The following ADGRV1 variants were observed in gnomAD, a reference collection of about 807,000 sequenced individuals.
The protein encoded by ADGRV1 is adhesion G protein-coupled receptor V1.
In ADGRV1, 359 loss-of-function variants were observed where a neutral mutation model predicts 596.2. The ratio of observed to expected loss-of-function variants is 0.60; its 90% CI spans 0.55 to 0.66. The LOEUF is 0.66. Ranked by LOEUF, ADGRV1 falls within the 30% of genes least tolerant of loss-of-function variation. The pLI, the probability that ADGRV1 is intolerant of heterozygous loss-of-function variation, is 0.00. For synonymous variants in ADGRV1, 2,681 were observed against 2,679.2 expected, an observed-to-expected ratio of 1.00 and a Z score of -0.02; for missense variants, 7,274 against 7,575.6, an observed-to-expected ratio of 0.96 and a Z score of 1.48.
At chr5:90,750,826 T>G (rs182872373) in intron 53 of ADGRV1, 129 bp downstream of exon 53, 1 of 637,032 alleles carries the variant, frequency 1.6e-6, no homozygotes, top group East Asian at 2.7e-5. Flanking sequence ...CTACTAATCA[T>G]TGTAGAGAGG....
chr5:90,937,357 G>T (rs1185179056), intron 83 of ADGRV1, among the ~76,000 whole-genome samples: 1 of 151,772 alleles, frequency 6.6e-6, no homozygotes, highest in Non-Finnish European at 1.5e-5. Flanking sequence ...TGCATTCTGG[G>T]TAAGTTCCTT....
intron 1 of ADGRV1, among the ~76,000 whole-genome samples, chr5:90,592,162 C>T (rs867156743): frequency 3.0e-4 from 45 of 152,230 alleles, no homozygotes; most frequent in African/African-American, 9.6e-4. Context: ...GATACTTGCA[C>T]ATGCGTGTTT....
At chr5:90,563,488 A>C (rs967473354) in intron 1 of ADGRV1, among the ~76,000 whole-genome samples, 12 of 152,278 alleles carry the variant, frequency 7.9e-5, no homozygotes, top group African/African-American at 2.9e-4. Context: ...GACTGTAATT[A>C]TAAATAGTCA....
In ADGRV1 at chr5:91,080,530, G is replaced by A. The variant is rs148643222; in HGVS notation, c.18310+7926G>A. Reference sequence around the variant, plus strand: ...ATGTAAACATTAAATTTTAAACTTAGAGAACTCTAATTTCATAAAAGTAGT... The same window carrying A: ...ATGTAAACATTAAATTTTAAACTTAAAGAACTCTAATTTCATAAAAGTAGT... On this transcript the variant is annotated intron_variant, in intron 86 of 89. Transcript: ENST00000405460. 6.1e-5 allele frequency among the ~76,000 whole-genome samples: 8 copies of A among 131,974 alleles called. 2 individuals carry two copies. The highest frequency in any genetic ancestry group is 2.3e-4 in the African/African-American group (8 of 35,262). 86.6% of individuals were successfully genotyped at this position (131,974 alleles called of 152,430 possible).
intron 49 of ADGRV1, among the ~76,000 whole-genome samples, chr5:90,729,395 T>TA (rs1027280621): frequency 2.4e-4 from 36 of 151,996 alleles, no homozygotes; most frequent in Non-Finnish European, 3.4e-4. Flanking sequence ...CTAAAAAAAT[T>TA]AAAAAAAATT....
chr5:90,758,890 T>C (rs1581025976), intron 57 of ADGRV1, among the ~76,000 whole-genome samples: 1 of 152,326 alleles, frequency 6.6e-6, no homozygotes, highest in East Asian at 1.9e-4. Context: ...GCCTTTCTTT[T>C]TGACTACGTT....
intron 20 of ADGRV1, 172 bp downstream of exon 20, chr5:90,654,124 C>T: frequency 1.4e-6 from 1 of 711,616 alleles, no homozygotes. Context: ...AAATTCTGTC[C>T]TGAGTGTTAC....
In ADGRV1 at chr5:90,681,372, A is replaced by G. The variant is rs568577753; in HGVS notation, c.5582A>G (p.His1861Arg). Residue 1861 changes from histidine to arginine, a missense_variant, in exon 27 of 90, where the codon CAT becomes CGT. Physicochemically the swap from His to Arg is conservative, Grantham distance 29. Around this residue, in one of 5 missense-constraint regions of ADGRV1, gnomAD observed 3,643 missense variants for 3,809.2 expected, o/e 0.96. Transcript: ENST00000405460. ...ACAATTGCAGCCTCTGACCACGCTCATGGCGTATTTGAATTTAGCCCTGAG... is the reference window on the plus strand; with the variant it reads ...ACAATTGCAGCCTCTGACCACGCTCGTGGCGTATTTGAATTTAGCCCTGAG... ...LVTIAASDHA[H>R]GVFEFSPESL... 27 of 1,613,904 alleles carry G rather than the reference A, an allele frequency of 1.7e-5. No homozygotes were observed. Among genetic ancestry groups the G allele is most frequent in the African/African-American group, 1.2e-4 (9 of 75,052 alleles).
intron 21 of ADGRV1, among the ~76,000 whole-genome samples, chr5:90,661,373 A>G (rs1026132804): frequency 3.3e-5 from 5 of 152,178 alleles, no homozygotes; most frequent in Non-Finnish European, 5.9e-5. Flanking sequence ...ATCTTCATGA[A>G]AACAAGAATA....
At chr5:90,757,621 CTAAAA>C (rs1259295967) in intron 57 of ADGRV1, among the ~76,000 whole-genome samples, 4 of 151,756 alleles carry the variant, frequency 2.6e-5, no homozygotes, top group South Asian at 2.1e-4. Context: ...AAAAAATTGA[CTAAAA>C]TAAGAGAAAA....
chr5:91,001,814 CTTATTTGG>C (rs1781877726), intron 85 of ADGRV1, among the ~76,000 whole-genome samples: 1 of 151,992 alleles, frequency 6.6e-6, no homozygotes, highest in Non-Finnish European at 1.5e-5. Context: ...TATCAATTAA[CTTATTTGG>C]TCTTTCTATC....
chr5:90,819,805 T>A (rs2150277637), intron 75 of ADGRV1, among the ~76,000 whole-genome samples: 1 of 152,332 alleles, frequency 6.6e-6, no homozygotes, highest in Middle Eastern at 3.4e-3. Flanking sequence ...CTCTGTTCTT[T>A]TACATTTGCT....
intron 83 of ADGRV1, among the ~76,000 whole-genome samples, chr5:90,911,130 A>G (rs1275223232): frequency 2.0e-5 from 3 of 152,240 alleles, no homozygotes; most frequent in Non-Finnish European, 2.9e-5. Context: ...TCAGAGAACC[A>G]TAACATCTGA....
chr5:90,672,792 T>C, intron 22 of ADGRV1, 70 bp downstream of exon 22: 2 of 1,179,128 alleles, frequency 1.7e-6, no homozygotes, highest in Non-Finnish European at 2.4e-6. Context: ...TGTTCTGTAA[T>C]TTCTTTGCAG....
rs535068184 is a variant in ADGRV1, at chr5:90,785,866, A to G, written c.13653+1809A>G. Reference sequence around the variant, plus strand: ...GGCGATTCCTCAAGGATCTAGAACTAGAAATACCATTTGACCCAGCCATCC... The same window carrying G: ...GGCGATTCCTCAAGGATCTAGAACTGGAAATACCATTTGACCCAGCCATCC... On this transcript the variant is annotated intron_variant, in intron 67 of 89. Coordinates refer to ENST00000405460, the MANE Select transcript of ADGRV1 (RefSeq NM_032119.4). Among the ~76,000 whole-genome samples, 3 of 152,342 alleles carry G rather than the reference A, an allele frequency of 2.0e-5. No homozygotes were observed. The South Asian group carries it at 6.2e-4, about 32-fold the overall frequency.
chr5:91,153,493 C>T, intron 89 of ADGRV1, 95 bp downstream of exon 89: 1 of 750,750 alleles, frequency 1.3e-6, no homozygotes, highest in South Asian at 2.9e-5. Context: ...TACTATCAGT[C>T]ACCCTTAGCA....
chr5:90,941,919 C>T (rs373375017), intron 83 of ADGRV1, among the ~76,000 whole-genome samples: 152 of 152,244 alleles, frequency 1.0e-3, no homozygotes, highest in Middle Eastern at 3.4e-3. Flanking sequence ...TTTTAGACAT[C>T]GGTTTCAATT....
At chr5:90,705,349 G>T (rs376863678) in intron 36 of ADGRV1, 51 bp from the exon 37 acceptor site, 2 of 1,493,576 alleles carry the variant, frequency 1.3e-6, no homozygotes, top group Admixed American at 1.7e-5. Context: ...TGTTTCCAGC[G>T]ATTAAAAGCT....
intron 87 of ADGRV1, among the ~76,000 whole-genome samples, chr5:91,138,239 A>G (rs978122344): frequency 6.6e-6 from 1 of 150,858 alleles, no homozygotes; most frequent in Admixed American, 6.6e-5. Context: ...GGGTTGGAGA[A>G]AAAAAAAAAA....
Sources: allele counts gnomAD v4.1 joint callset (sites outside exome capture counted in the v4.1 genomes callset), GRCh38; gene constraint gnomAD v4.1.1; regional missense constraint gnomAD v4.1.1; transcripts MANE v1.5; gene names NCBI Gene and HGNC (gene_info 2026-07-23, HGNC 2026-07-21).